The following ZBED2 variants were observed in gnomAD, a reference collection of about 807,000 sequenced individuals.
ZBED2 encodes the protein zinc finger BED domain-containing protein 2.
For synonymous variants in ZBED2, 97 were observed against 98.8 expected, an observed-to-expected ratio of 0.98 and a Z score of 0.11; for missense variants, 285 against 281.0, an observed-to-expected ratio of 1.01 and a Z score of -0.10.
At position 111,594,212 on chromosome 3, in the gene ZBED2, C is replaced by T; in HGVS notation, c.-11G>A. 6.4e-7 allele frequency: 1 copy of T among 1,574,502 alleles called. No individual in the cohort carries two copies. Among genetic ancestry groups the T allele is most frequent in the Admixed American group, 1.8e-5 (1 of 55,766 alleles). Reference sequence around the variant, plus strand: ...TTCCCGCCTCATCATGTCACCTCTTCTACAGCGTTCTTTATGATGTGCTTA... The same window carrying T: ...TTCCCGCCTCATCATGTCACCTCTTTTACAGCGTTCTTTATGATGTGCTTA... On this transcript the variant is annotated 5_prime_UTR_variant, in exon 2 of 2. Transcript: ENST00000317012.
At position 111,594,062 on chromosome 3, in the gene ZBED2, G is replaced by T. The variant is rs780504281; in HGVS notation, c.140C>A (p.Pro47His). Reference protein sequence around the residue: ...PFVSAMPTPMPHNKGTRFSEA... With the variant: ...PFVSAMPTPMHHNKGTRFSEA... ...AGAGAACCGGGTGCCCTTGTTGTGG[G>T]GCATTGGAGTGGGCATAGCACTCAC... is the stretch of plus-strand genomic sequence containing the variant. Residue 47 changes from proline (P) to histidine (H), a missense_variant, in exon 2 of 2, where the codon CCC (proline) becomes CAC (histidine). By Grantham distance (77) the Pro-to-His change is moderately conservative. Transcript: ENST00000317012. 6.2e-7 allele frequency: 1 copy of T among 1,614,122 alleles called. No homozygotes were observed. Among genetic ancestry groups the T allele is most frequent in the South Asian group, 1.1e-5 (1 of 91,086 alleles).
Position 111,593,999 on chromosome 3 carries a change from G to A in ZBED2, c.203C>T (p.Ala68Val), listed in dbSNP as rs1287540772. The A allele has an allele frequency of 1.2e-6, 2 of 1,614,172 alleles. No homozygotes were observed. The highest frequency in any genetic ancestry group is 2.2e-5 in the South Asian group (2 of 91,086). The change falls in exon 2 of 2, where the codon GCT becomes GTT. Residue 68 changes from alanine to valine, a missense_variant. By Grantham distance (64) the Ala-to-Val change is moderately conservative. Coordinates refer to ENST00000317012, the MANE Select transcript of ZBED2 (RefSeq NM_024508.5). ...GGCATACTGGTTGGGATGGTGCCCA[G>A]CACGAGCAGGAGCTAGGTGGAAATA... ...WEYFHLAPAR[A>V]GHHPNQYATC... is the part of the protein sequence containing the mutation.
At position 111,594,130 on chromosome 3, in the gene ZBED2, C is replaced by T. The variant is rs145211272; in HGVS notation, c.72G>A (p.Glu24=). The change falls in exon 2 of 2, where the codon GAG becomes GAA. Residue 24 remains glutamate, a synonymous_variant. Coordinates refer to ENST00000317012, the MANE Select transcript of ZBED2 (RefSeq NM_024508.5). ...CTCCTGTCTCACTAATCTCTTCCTC[C>T]TCCTTCATCTCTAAGTCCCCTTTTG... ...MKAKGDLEMK[E]EEEISETGEL... 180 of 1,613,818 alleles carry T rather than the reference C, an allele frequency of 1.1e-4. No homozygotes were observed. The highest frequency in any genetic ancestry group is 1.5e-4 in the Non-Finnish European group (173 of 1,179,920).
chr3:111,593,538 G>C lies in ZBED2; in HGVS notation c.*7C>G, dbSNP rs1470523890. 5 of 1,511,732 alleles carry C rather than the reference G, an allele frequency of 3.3e-6. No homozygotes were observed. The African/African-American group carries it at 5.6e-5, about 17-fold the overall frequency. The allele number at this position is 1,511,732 out of a possible 1,614,324, so 93.6% of individuals were successfully genotyped here. ...AATGTTTTCAGAATAGATTCTCCAA[G>C]CCCAATTTAAACAAAATGGAAGGGA... is the stretch of plus-strand genomic sequence containing the variant. On this transcript the variant is annotated 3_prime_UTR_variant, in exon 2 of 2. Coordinates refer to ENST00000317012, the MANE Select transcript of ZBED2 (RefSeq NM_024508.5).
rs111888870 is a variant in ZBED2, at chr3:111,594,017, T to C, written c.185A>G (p.His62Arg). The stretch of plus-strand genomic sequence containing the variant: ...GTGCCCAGCACGAGCAGGAGCTAGG[T>C]GGAAATATTCCCATGCCTCAGAGAA... ...TRFSEAWEYFHLAPARAGHHP... is the reference protein window; with the variant it reads ...TRFSEAWEYFRLAPARAGHHP... Residue 62 changes from histidine (H) to arginine (R), a missense_variant, in exon 2 of 2, where the codon CAC (histidine) becomes CGC (arginine). By Grantham distance (29) the His-to-Arg change is conservative. Coordinates refer to ENST00000317012, the MANE Select transcript of ZBED2 (RefSeq NM_024508.5). 4.6e-5 allele frequency: 74 copies of C among 1,614,098 alleles called. No homozygotes were observed. In the South Asian group the frequency reaches 7.6e-4, roughly 17 times the overall value.
At chr3:111,595,230 G>A (rs992404659) in intron 1 of ZBED2, 70 bp downstream of exon 1, 3 of 152,384 alleles carry the variant, frequency 2.0e-5, no homozygotes, top group Admixed American at 6.5e-5. Flanking sequence ...ACTAATGAGA[G>A]CTTTATTTAA....
In ZBED2 at chr3:111,593,919, T is replaced by C; in HGVS notation, c.283A>G (p.Thr95Ala). 1.2e-6 allele frequency: 2 copies of C among 1,613,782 alleles called. No individual in the cohort carries two copies. The highest frequency in any genetic ancestry group is 2.2e-5 in the South Asian group (2 of 91,086). The change falls in exon 2 of 2, where the codon ACC becomes GCC. Residue 95 changes from threonine (T) to alanine (A), a missense_variant. Coordinates refer to ENST00000317012, the MANE Select transcript of ZBED2 (RefSeq NM_024508.5). ...TTCAGATGCTTCCACAGTGCAGTGG[T>C]GCCCACGTTGACCCCAGGGCCACGG... ...VSRGPGVNVG[T>A]TALWKHLKSM...
rs1937173371 is a variant in ZBED2 at position 111,594,700 on chromosome 3, A to G, written c.-499T>C. 1 of 168,146 alleles carries G rather than the reference A, an allele frequency of 5.9e-6. No homozygotes were observed. Among genetic ancestry groups the G allele is most frequent in the Non-Finnish European group, 1.5e-5 (1 of 68,876 alleles). 10.4% of individuals were successfully genotyped at this position (168,146 alleles called of 1,614,324 possible). On this transcript the variant is annotated 5_prime_UTR_variant, in exon 2 of 2. Coordinates refer to ENST00000317012, the MANE Select transcript of ZBED2 (RefSeq NM_024508.5). ...GGCAGGAGAAACAGCCTCAGGGTTC[A>G]GGCTTTTCAGGACCAACAGAGCTAG...
At position 111,593,455 on chromosome 3, in the gene ZBED2, T is replaced by G. The variant is rs1198685978; in HGVS notation, c.*90A>C. 1 of 1,450,194 alleles carries G rather than the reference T, an allele frequency of 6.9e-7. No individual in the cohort carries two copies. Among genetic ancestry groups the G allele is most frequent in the Non-Finnish European group, 9.1e-7 (1 of 1,095,608 alleles). The allele number at this position is 1,450,194 out of a possible 1,614,324, so 89.8% of individuals were successfully genotyped here. A position where few individuals can be genotyped will look rare whatever the true frequency, so the allele number is the denominator to read the frequency against. ...ACATAAAAGCAAAATGTCACCAAACTACTTTGCTTTACATTTGAGTTGAAA... is the reference window on the plus strand; with the variant it reads ...ACATAAAAGCAAAATGTCACCAAACGACTTTGCTTTACATTTGAGTTGAAA... On this transcript the variant is annotated 3_prime_UTR_variant, in exon 2 of 2. Transcript: ENST00000317012.
chr3:111,594,336 G>A lies in ZBED2; in HGVS notation c.-135C>T. ...GATTCACAATAATGGCCAAAGTCTGGCCACACCTGGGTGGTGTGAGGTTTC... is the reference window on the plus strand; with the variant it reads ...GATTCACAATAATGGCCAAAGTCTGACCACACCTGGGTGGTGTGAGGTTTC... On this transcript the variant is annotated 5_prime_UTR_variant, in exon 2 of 2. Transcript: ENST00000317012. 1 of 1,105,910 alleles carries A rather than the reference G, an allele frequency of 9.0e-7. No homozygotes were observed. The highest frequency in any genetic ancestry group is 1.3e-6 in the Non-Finnish European group (1 of 777,886). 68.5% of individuals were successfully genotyped at this position (1,105,910 alleles called of 1,614,324 possible).
chr3:111,594,895 G>C lies in ZBED2; in HGVS notation c.-694C>G, dbSNP rs1446612029. 6.0e-6 allele frequency: 1 copy of C among 167,160 alleles called. No individual in the cohort carries two copies. Among genetic ancestry groups the C allele is most frequent in the East Asian group, 1.9e-4 (1 of 5,190 alleles). 10.4% of individuals were successfully genotyped at this position (167,160 alleles called of 1,614,324 possible). A position where few individuals can be genotyped will look rare whatever the true frequency, so the allele number is the denominator to read the frequency against. ...ATGCAAGGTCAGTTTGTCCTTAGAG[G>C]TGTCTCTCAGAGGCCAGGAGTCTAA... On this transcript the variant is annotated 5_prime_UTR_variant, in exon 2 of 2. Transcript: ENST00000317012.
In ZBED2 at chr3:111,594,210, T is replaced by C. The variant is rs755603631; in HGVS notation, c.-9A>G. 1.3e-6 allele frequency: 2 copies of C among 1,573,864 alleles called. No individual in the cohort carries two copies. Among genetic ancestry groups the C allele is most frequent in the South Asian group, 2.4e-5 (2 of 83,936 alleles). ...TCTTCCCGCCTCATCATGTCACCTC[T>C]TCTACAGCGTTCTTTATGATGTGCT... On this transcript the variant is annotated 5_prime_UTR_variant, in exon 2 of 2. Coordinates refer to ENST00000317012, the MANE Select transcript of ZBED2 (RefSeq NM_024508.5).
In ZBED2 at chr3:111,593,915, G is replaced by A. The variant is rs1366159481; in HGVS notation, c.287C>T (p.Thr96Ile). Residue 96 changes from threonine (T) to isoleucine (I), a missense_variant, in exon 2 of 2, where the codon ACT becomes ATT. Transcript: ENST00000317012. Reference sequence around the variant, plus strand: ...GCTTTTCAGATGCTTCCACAGTGCAGTGGTGCCCACGTTGACCCCAGGGCC... The same window carrying A: ...GCTTTTCAGATGCTTCCACAGTGCAATGGTGCCCACGTTGACCCCAGGGCC... ...SRGPGVNVGT[T>I]ALWKHLKSMH... 1.2e-6 allele frequency: 2 copies of A among 1,613,766 alleles called. No homozygotes were observed. Among genetic ancestry groups the A allele is most frequent in the Non-Finnish European group, 1.7e-6 (2 of 1,180,044 alleles).
At position 111,594,157 on chromosome 3, in the gene ZBED2, C is replaced by T. The variant is rs1217777693; in HGVS notation, c.45G>A (p.Lys15=). ...CCTTCATCTCTAAGTCCCCTTTTGC[C>T]TTCATCATTGTTCCCTCCTCTTCCT... is the stretch of plus-strand genomic sequence containing the variant. ...EDEEEEGTMM[K]AKGDLEMKEE... The change falls in exon 2 of 2, where the codon AAG becomes AAA. Residue 15 remains lysine, a synonymous_variant. Transcript: ENST00000317012. 1.2e-6 allele frequency: 2 copies of T among 1,611,590 alleles called. No individual in the cohort carries two copies. The highest frequency in any genetic ancestry group is 2.2e-5 in the South Asian group (2 of 90,548).
Position 111,593,409 on chromosome 3 carries a change from A to G in ZBED2, c.*136T>C. 1.8e-6 allele frequency: 2 copies of G among 1,105,178 alleles called. No individual in the cohort carries two copies. The highest frequency in any genetic ancestry group is 3.0e-5 in the Admixed American group (1 of 33,434). The allele number at this position is 1,105,178 out of a possible 1,614,324, so 68.5% of individuals were successfully genotyped here. On this transcript the variant is annotated 3_prime_UTR_variant, in exon 2 of 2. Coordinates refer to ENST00000317012, the MANE Select transcript of ZBED2 (RefSeq NM_024508.5). ...GGTCAATTCAGACCTGCTCAGATTA[A>G]CTCATACTGTGCACTATTTCACATA...
chr3:111,593,773 C>T lies in ZBED2; in HGVS notation c.429G>A (p.Leu143=), dbSNP rs746148851. The T allele has an allele frequency of 1.2e-6, 2 of 1,614,120 alleles. No individual in the cohort carries two copies. Among genetic ancestry groups the T allele is most frequent in the African/African-American group, 2.7e-5 (2 of 74,942 alleles). Residue 143 remains leucine, a synonymous_variant, in exon 2 of 2, where the codon CTG becomes CTA. Transcript: ENST00000317012. ...ACAAAGCCATGGTGCCCACCTGCTCCAGGAGCCTACCCCAGTTACCCTCAA... is the reference window on the plus strand; with the variant it reads ...ACAAAGCCATGGTGCCCACCTGCTCTAGGAGCCTACCCCAGTTACCCTCAA... ...TGIEGNWGRL[L]EQVGTMALWA...
chr3:111,593,983 G>A lies in ZBED2; in HGVS notation c.219C>T (p.Asn73=). The A allele has an allele frequency of 6.2e-7, 1 of 1,614,172 alleles. No individual in the cohort carries two copies. The highest frequency in any genetic ancestry group is 1.1e-5 in the South Asian group (1 of 91,084). Residue 73 remains asparagine (N), a synonymous_variant, in exon 2 of 2, where the codon AAC becomes AAT. Coordinates refer to ENST00000317012, the MANE Select transcript of ZBED2 (RefSeq NM_024508.5). ...CACACAGGCGGCAGGTGGCATACTG[G>A]TTGGGATGGTGCCCAGCACGAGCAG... ...LAPARAGHHP[N]QYATCRLCGR...
rs770397153 is a variant in ZBED2, at chr3:111,593,986, G to A, written c.216C>T (p.Pro72=). The change falls in exon 2 of 2, where the codon CCC becomes CCT. Residue 72 remains proline, a synonymous_variant. Transcript: ENST00000317012. ...HLAPARAGHH[P]NQYATCRLCG... ...ACAGGCGGCAGGTGGCATACTGGTT[G>A]GGATGGTGCCCAGCACGAGCAGGAG... The A allele has an allele frequency of 2.2e-5, 35 of 1,614,060 alleles. No individual in the cohort carries two copies. The South Asian group carries it at 3.8e-4, about 18-fold the overall frequency.
Position 111,593,686 on chromosome 3 carries a change from C to A in ZBED2, c.516G>T (p.Arg172Ser). 1 of 1,613,092 alleles carries A rather than the reference C, an allele frequency of 6.2e-7. No homozygotes were observed. Among genetic ancestry groups the A allele is most frequent in the Non-Finnish European group, 8.5e-7 (1 of 1,179,432 alleles). ...RRERAVEWRE[R>S]AVEKRERALE... Reference sequence around the variant, plus strand: ...GGGCTCGCTCCCTTTTTTCCACAGCCCTCTCCCGCCATTCCACTGCCCTTT... The same window carrying A: ...GGGCTCGCTCCCTTTTTTCCACAGCACTCTCCCGCCATTCCACTGCCCTTT... The change falls in exon 2 of 2, where the codon AGG becomes AGT. Residue 172 changes from arginine to serine, a missense_variant. Transcript: ENST00000317012.
Sources: gnomAD v4.1 joint callset for allele counts on GRCh38, gnomAD v4.1.1 for gene constraint, MANE v1.5 for transcripts, NCBI Gene and HGNC (gene_info 2026-07-23, HGNC 2026-07-21) for gene names.